UPF2: variants seen among roughly 807,000 people sequenced by gnomAD.
UPF2 encodes regulator of nonsense transcripts 2.
Under a neutral mutation model 141.4 loss-of-function variants are expected in UPF2, and 17 were observed. The observed-to-expected ratio is 0.12, with a 90% CI of 0.08 to 0.18. The LOEUF (loss-of-function observed/expected upper bound fraction) is 0.18, where lower values mean the gene tolerates loss of function less well. Ranked by LOEUF, UPF2 falls within the 10% of genes least tolerant of loss-of-function variation. The pLI, the probability that UPF2 is intolerant of heterozygous loss-of-function variation, is 1.00. For missense variants in UPF2, 1,152 were observed against 1,515.9 expected, an observed-to-expected ratio of 0.76 and a Z score of 3.99; for synonymous variants, 540 against 498.0, an observed-to-expected ratio of 1.08 and a Z score of -1.12.
rs1833136502 is a variant in UPF2 at position 11,955,599 on chromosome 10, T to C, written c.2575-92A>G. 2.4e-6 allele frequency: 3 copies of C among 1,247,530 alleles called. No homozygotes were observed. In the South Asian group the frequency reaches 4.6e-5, roughly 19 times the overall value. The allele number at this position is 1,247,530 out of a possible 1,614,324, so 77.3% of individuals were successfully genotyped here. On this transcript the variant is annotated intron_variant, in intron 13 of 21. Coordinates refer to ENST00000357604, the MANE Select transcript of UPF2 (RefSeq NM_015542.4). ...TGTCTCTGTAACTTGAAAATATCTA[T>C]TACTGAAAGAACACTGAATAGAGAA...
chr10:11,975,116 T>C (rs1054701509), intron 9 of UPF2, among the ~76,000 whole-genome samples: 2 of 152,212 alleles, frequency 1.3e-5, no homozygotes, highest in Non-Finnish European at 2.9e-5. Context: ...GTCTCCCCAG[T>C]CAGGCGTGTT....
intron 4 of UPF2, among the ~76,000 whole-genome samples, chr10:12,008,629 C>CAAAAAAAAAAA (rs60750390): frequency 1.3e-5 from 1 of 74,974 alleles, no homozygotes; most frequent in Non-Finnish European, 2.5e-5. Context: ...GACACCACCT[C>CAAAAAAAAAAA]AAAAAAAAAA....
chr10:11,928,268 T>G (rs533586982), intron 21 of UPF2, among the ~76,000 whole-genome samples: 1 of 140,732 alleles, frequency 7.1e-6, no homozygotes, highest in Non-Finnish European at 1.6e-5. Flanking sequence ...ACCCGGGAGG[T>G]AGAGGTTGCA....
intron 3 of UPF2, among the ~76,000 whole-genome samples, chr10:12,028,157 G>A (rs1834453116): frequency 6.6e-6 from 1 of 152,074 alleles, no homozygotes; most frequent in African/African-American, 2.4e-5. Flanking sequence ...ATTACCACAG[G>A]CACAGTACAT....
At position 11,936,868 on chromosome 10, in the gene UPF2, T is replaced by C. The variant is rs1254528512; in HGVS notation, c.3379-156A>G. Among the ~76,000 whole-genome samples the C allele has an allele frequency of 1.3e-5, 2 of 152,248 alleles. No homozygotes were observed. Among genetic ancestry groups the C allele is most frequent in the African/African-American group, 4.8e-5 (2 of 41,454 alleles). On this transcript the variant is annotated intron_variant, in intron 18 of 21. Coordinates refer to ENST00000357604, the MANE Select transcript of UPF2 (RefSeq NM_015542.4). This position sits in a 1 kb window ranked among gnomAD's most constrained non-coding sequence, Gnocchi z 6.6. ...ATTACAACCACCATAATACTCTTTC[T>C]GAAACGTGGATAAATCTAGGGAGTA...
chr10:11,928,688 G>A (rs971717056), intron 21 of UPF2: 17 of 345,910 alleles, frequency 4.9e-5, no homozygotes, highest in African/African-American at 1.6e-4. Flanking sequence ...CAGCCTGGGC[G>A]ACAGAGCCAG....
rs1833149933 is a variant in UPF2 at position 11,956,372 on chromosome 10, A to G, written c.2522T>C (p.Val841Ala). 6.2e-7 allele frequency: 1 copy of G among 1,614,124 alleles called. No individual in the cohort carries two copies. The highest frequency in any genetic ancestry group is 8.5e-7 in the Non-Finnish European group (1 of 1,180,004). The change falls in exon 13 of 22, where the codon GTT (valine) becomes GCT (alanine). Residue 841 changes from valine (V) to alanine (A), a missense_variant. Transcript: ENST00000357604. The surrounding 1 kb of genome is among the most constrained non-coding windows in gnomAD (Gnocchi z 4.2). Reference sequence around the variant, plus strand: ...CACTCCATCCACAACGTGGATCCCAACATCCTCTTGGTAGAGCACTAGTCC... The same window carrying G: ...CACTCCATCCACAACGTGGATCCCAGCATCCTCTTGGTAGAGCACTAGTCC... The part of the protein sequence containing the change: ...LAGLVLYQED[V>A]GIHVVDGVLE...
At position 11,956,180 on chromosome 10, in the gene UPF2, G is replaced by A. The variant is rs1833147421; in HGVS notation, c.2574+140C>T. The A allele has an allele frequency of 1.3e-5, 11 of 847,318 alleles. No individual in the cohort carries two copies. The highest frequency in any genetic ancestry group is 1.8e-5 in the Non-Finnish European group (10 of 545,410). 52.5% of individuals were successfully genotyped at this position (847,318 alleles called of 1,614,324 possible). A position where few individuals can be genotyped will look rare whatever the true frequency, so the allele number is the denominator to read the frequency against. On this transcript the variant is annotated intron_variant, in intron 13 of 21. Transcript: ENST00000357604. The surrounding 1 kb of genome is among the most constrained non-coding windows in gnomAD (Gnocchi z 4.2). ...AAAAAAAAGAGGAAAGTGTTTACAG[G>A]AAATTCTTATAAAATGATTATCAGC...
chr10:11,964,575 C>T (rs539282757), intron 10 of UPF2, among the ~76,000 whole-genome samples: 37 of 152,284 alleles, frequency 2.4e-4, no homozygotes, highest in African/African-American at 8.7e-4. Flanking sequence ...TAAACTAAAA[C>T]AGATTGAGAC....
At chr10:11,970,521 A>G (rs975527869) in intron 9 of UPF2, among the ~76,000 whole-genome samples, 2 of 152,108 alleles carry the variant, frequency 1.3e-5, no homozygotes. Context: ...AAAACTACAC[A>G]CTAAAACTGG....
rs1832959335 is a variant in UPF2 at position 11,943,274 on chromosome 10, C to G, written c.3175-106G>C. The G allele has an allele frequency of 4.1e-6, 4 of 978,426 alleles. No homozygotes were observed. The South Asian group carries it at 4.7e-5, about 12-fold the overall frequency. The allele number at this position is 978,426 out of a possible 1,614,324, so 60.6% of individuals were successfully genotyped here. ...CTTCTGTATAATTGTTTATTATTCT[C>G]AAGTTTTAGCTCTTTAGGTAGTTGG... On this transcript the variant is annotated intron_variant, in intron 16 of 21. Transcript: ENST00000357604.
intron 8 of UPF2, among the ~76,000 whole-genome samples, chr10:11,995,455 G>A (rs1308185281): frequency 6.6e-6 from 1 of 152,158 alleles, no homozygotes; most frequent in Non-Finnish European, 1.5e-5. Context: ...CCTCCTTCCT[G>A]CAGTTTACAG....
intron 8 of UPF2, among the ~76,000 whole-genome samples, chr10:11,995,929 A>C (rs1833857606): frequency 6.6e-6 from 1 of 152,140 alleles, no homozygotes; most frequent in African/African-American, 2.4e-5. Context: ...CTCAGGCCTC[A>C]GATTAAATGA....
At position 11,935,585 on chromosome 10, in the gene UPF2, A is replaced by AT. The variant is rs1047428586; in HGVS notation, c.3546+959dup. On this transcript the variant is annotated intron_variant, in intron 19 of 21. Transcript: ENST00000357604. This position sits in a 1 kb window ranked among gnomAD's most constrained non-coding sequence, Gnocchi z 4.9. ...CTCAGAAATGTTAAGATGTAAACAAATTTTTACAGAATTGACCTAAATACA... is the reference window on the plus strand; with the variant it reads ...CTCAGAAATGTTAAGATGTAAACAAATTTTTTACAGAATTGACCTAAATACA... Among the ~76,000 whole-genome samples the AT allele has an allele frequency of 6.6e-6, 1 of 152,180 alleles. No homozygotes were observed. The highest frequency in any genetic ancestry group is 2.4e-5 in the African/African-American group (1 of 41,450).
At position 11,957,371 on chromosome 10, in the gene UPF2, G is replaced by A. The variant is rs540066299; in HGVS notation, c.2371-848C>T. ...TTGAACCCGGGAGGCAGAGGTTGCC[G>A]TGAGCCGAGACTCCACCACTGCACT... On this transcript the variant is annotated intron_variant, in intron 12 of 21. Transcript: ENST00000357604. Among the ~76,000 whole-genome samples the A allele has an allele frequency of 3.9e-5, 6 of 151,984 alleles. No individual in the cohort carries two copies. In the East Asian group the frequency reaches 8.0e-4, roughly 20 times the overall value.
intron 14 of UPF2, among the ~76,000 whole-genome samples, chr10:11,954,712 A>G (rs1471425046): frequency 1.3e-5 from 2 of 149,368 alleles, no homozygotes; most frequent in Non-Finnish European, 3.0e-5. Flanking sequence ...GCGATGGTTC[A>G]TGCCTGTAAT....
Position 11,943,076 on chromosome 10 carries a change from A to T in UPF2, c.3267T>A (p.Asp1089Glu). The T allele has an allele frequency of 1.2e-6, 2 of 1,610,616 alleles. No homozygotes were observed. The highest frequency in any genetic ancestry group is 8.5e-7 in the Non-Finnish European group (1 of 1,178,004). The change falls in exon 17 of 22, where the codon GAT (aspartate) becomes GAA (glutamate). Residue 1089 changes from aspartate (D) to glutamate (E), a missense_variant. Coordinates refer to ENST00000357604, the MANE Select transcript of UPF2 (RefSeq NM_015542.4). Reference protein sequence around the residue: ...LTDSNKENETDEENTEVMIKG... With the variant: ...LTDSNKENETEEENTEVMIKG... ...CAGCCATACGTACAGTATTCTCTTC[A>T]TCGGTTTCATTTTCCTTATTGGAAT...
At position 12,035,273 on chromosome 10, in the gene UPF2, T is replaced by C. The variant is rs776600083; in HGVS notation, c.151A>G (p.Lys51Glu). Residue 51 changes from lysine (K) to glutamate (E), a missense_variant, in exon 2 of 22, where the codon AAG (lysine) becomes GAG (glutamate). Lys to Glu is a moderately conservative substitution (Grantham distance 56, BLOSUM62 1). This residue lies in a region of UPF2 where 145 missense variants were observed against 136.5 expected (regional missense o/e 1.06). Coordinates refer to ENST00000357604, the MANE Select transcript of UPF2 (RefSeq NM_015542.4). ...CTCTTCTTCTTGTCTTCAGGGGCCT[T>C]GCTGACCTCCTTCTTGGCAGTGAGC... ...IKLTAKKEVS[K>E]APEDKKKRLE... The C allele has an allele frequency of 6.2e-6, 10 of 1,614,066 alleles. No individual in the cohort carries two copies. The highest frequency in any genetic ancestry group is 1.7e-5 in the Admixed American group (1 of 59,988).
At chr10:11,984,756 A>G (rs1833659120) in intron 8 of UPF2, among the ~76,000 whole-genome samples, 1 of 148,406 alleles carries the variant, frequency 6.7e-6, no homozygotes, top group Non-Finnish European at 1.5e-5. Flanking sequence ...TCTGTTGCCC[A>G]GGCTGGAGAA....
Sources: gnomAD v4.1 joint callset for allele counts (sites outside exome capture counted in the v4.1 genomes callset) on GRCh38, gnomAD v4.1.1 for gene constraint, gnomAD v4.1.1 regional missense constraint, Gnocchi (gnomAD v3.1) non-coding constraint, MANE v1.5 for transcripts, NCBI Gene and HGNC (gene_info 2026-07-23, HGNC 2026-07-21) for gene names.